Variants in SP9 observed in about 807,000 individuals in gnomAD.
SP9 encodes the protein Sp9 transcription factor, also known as transcription factor Sp9.
SP9 carries 5 observed loss-of-function variants against 23.0 expected under a neutral mutation model. The ratio of observed to expected loss-of-function variants is 0.22; its 90% CI spans 0.11 to 0.46. The LOEUF (loss-of-function observed/expected upper bound fraction) is 0.46. Among genes scored for constraint, SP9 ranks in the 20% least tolerant of loss-of-function variants. The pLI is 0.99. For synonymous variants in SP9, 360 were observed against 356.5 expected (o/e 1.01, Z -0.11); for missense variants, 542 against 724.0 (o/e 0.75, Z 2.88).
chr2:174,337,588 A>G lies in SP9; in HGVS notation c.*48A>G, dbSNP rs1684440973. On this transcript the variant is annotated 3_prime_UTR_variant, in exon 2 of 2. Coordinates refer to ENST00000394967, the MANE Select transcript of SP9 (RefSeq NM_001145250.2). ...ACACAAGCGAGTAGAGACACCGAGA[A>G]CGAACGAGAGGTTCGGAGGGCGAGC... 1.5e-5 allele frequency: 17 copies of G among 1,126,958 alleles called. No individual in the cohort carries two copies. The highest frequency in any genetic ancestry group is 1.7e-5 in the Non-Finnish European group (16 of 920,526). 69.8% of individuals were successfully genotyped at this position (1,126,958 alleles called of 1,614,324 possible). A position where few individuals can be genotyped will look rare whatever the true frequency, so the allele number is the denominator to read the frequency against.
In SP9 at chr2:174,337,767, G is replaced by T. The variant is rs2105510729; in HGVS notation, c.*227G>T. ...CGCCCGGATAAGAATCGAACGCGTG[G>T]TCCGGAAACAAAAGCGAACCATCCT... is the stretch of plus-strand genomic sequence containing the variant. On this transcript the variant is annotated 3_prime_UTR_variant, in exon 2 of 2. Coordinates refer to ENST00000394967, the MANE Select transcript of SP9 (RefSeq NM_001145250.2). The T allele has an allele frequency of 2.9e-6, 1 of 344,498 alleles. No homozygotes were observed. The highest frequency in any genetic ancestry group is 9.7e-5 in the East Asian group (1 of 10,332). 21.3% of individuals were successfully genotyped at this position (344,498 alleles called of 1,614,324 possible). A position where few individuals can be genotyped will look rare whatever the true frequency, so the allele number is the denominator to read the frequency against.
Position 174,336,443 on chromosome 2 carries a change from G to T in SP9, c.358G>T (p.Ala120Ser). The change falls in exon 2 of 2, where the codon GCC becomes TCC. Residue 120 changes from alanine to serine, a missense_variant. Coordinates refer to ENST00000394967, the MANE Select transcript of SP9 (RefSeq NM_001145250.2). Reference sequence around the variant, plus strand: ...CTCGGCGGCTGCCGCGGCGGCAGCGGCCGGGGTGTCCCCGCAGGAGGCGGG... The same window carrying T: ...CTCGGCGGCTGCCGCGGCGGCAGCGTCCGGGGTGTCCCCGCAGGAGGCGGG... ...SNSAAAAAAA[A>S]GVSPQEAGGQ... 2 of 1,473,730 alleles carry T rather than the reference G, an allele frequency of 1.4e-6. No individual in the cohort carries two copies. Among genetic ancestry groups the T allele is most frequent in the South Asian group, 1.3e-5 (1 of 75,624 alleles). The allele number at this position is 1,473,730 out of a possible 1,614,324, so 91.3% of individuals were successfully genotyped here.
Position 174,337,551 on chromosome 2 carries a change from A to T in SP9, c.*11A>T, listed in dbSNP as rs559538196. 39 of 1,153,106 alleles carry T rather than the reference A, an allele frequency of 3.4e-5. No individual in the cohort carries two copies. The highest frequency in any genetic ancestry group is 4.2e-5 in the Non-Finnish European group (39 of 937,606). 71.4% of individuals were successfully genotyped at this position (1,153,106 alleles called of 1,614,324 possible). A position where few individuals can be genotyped will look rare whatever the true frequency, so the allele number is the denominator to read the frequency against. On this transcript the variant is annotated 3_prime_UTR_variant, in exon 2 of 2. Coordinates refer to ENST00000394967, the MANE Select transcript of SP9 (RefSeq NM_001145250.2). ...CCCAACGACTCTTAGAGGCCGGGCG[A>T]GAGGCGCGAGCACACAAGCGAGTAG...
rs769243758 is a variant in SP9 at position 174,336,277 on chromosome 2, G to A, written c.192G>A (p.Ser64=). Residue 64 remains serine, a synonymous_variant, in exon 2 of 2, where the codon TCG becomes TCA. Coordinates refer to ENST00000394967, the MANE Select transcript of SP9 (RefSeq NM_001145250.2). ...GCTGCAACCTCGGCTCCAGCCTCTC[G>A]GGCTTCGCGGTGGCCACCGGGGGCC... ...SSSCNLGSSL[S]GFAVATGGRG... 6.5e-7 allele frequency: 1 copy of A among 1,528,758 alleles called. No individual in the cohort carries two copies. Among genetic ancestry groups the A allele is most frequent in the Non-Finnish European group, 8.8e-7 (1 of 1,138,852 alleles). The allele number at this position is 1,528,758 out of a possible 1,614,324, so 94.7% of individuals were successfully genotyped here.
chr2:174,337,720 A>T lies in SP9; in HGVS notation c.*180A>T, dbSNP rs1389025863. On this transcript the variant is annotated 3_prime_UTR_variant, in exon 2 of 2. Transcript: ENST00000394967. The stretch of plus-strand genomic sequence containing the variant: ...CGGGCTGCGGTTCGCCCGCTGTGCG[A>T]GGAGCTCCCCTCTGCCTTCCGCGCC... 1 of 770,402 alleles carries T rather than the reference A, an allele frequency of 1.3e-6. No homozygotes were observed. The highest frequency in any genetic ancestry group is 5.7e-5 in the Admixed American group (1 of 17,636). 47.7% of individuals were successfully genotyped at this position (770,402 alleles called of 1,614,324 possible). A position where few individuals can be genotyped will look rare whatever the true frequency, so the allele number is the denominator to read the frequency against.
chr2:174,337,546 G>A lies in SP9; in HGVS notation c.*6G>A, dbSNP rs1436955717. ...CTGGCCCCAACGACTCTTAGAGGCC[G>A]GGCGAGAGGCGCGAGCACACAAGCG... On this transcript the variant is annotated 3_prime_UTR_variant, in exon 2 of 2. Transcript: ENST00000394967. 6 of 1,156,344 alleles carry A rather than the reference G, an allele frequency of 5.2e-6. No individual in the cohort carries two copies. Among genetic ancestry groups the A allele is most frequent in the Admixed American group, 4.8e-5 (1 of 21,038 alleles). 71.6% of individuals were successfully genotyped at this position (1,156,344 alleles called of 1,614,324 possible).
In SP9 at chr2:174,337,066, G is replaced by T. The variant is rs1684428324; in HGVS notation, c.981G>T (p.Arg327=). The change falls in exon 2 of 2, where the codon CGG becomes CGT. Residue 327 remains arginine (R), a synonymous_variant. Coordinates refer to ENST00000394967, the MANE Select transcript of SP9 (RefSeq NM_001145250.2). Reference sequence around the variant, plus strand: ...TGGGCCCGGCCGGGGCGAGCCTGCGGCGCAAGGGCCTGCACAGCTGCCACA... The same window carrying T: ...TGGGCCCGGCCGGGGCGAGCCTGCGTCGCAAGGGCCTGCACAGCTGCCACA... ...ERLGPAGASL[R]RKGLHSCHIP... is the part of the protein sequence containing the mutation. The T allele has an allele frequency of 1.9e-6, 3 of 1,560,358 alleles. No homozygotes were observed. In the South Asian group the frequency reaches 3.5e-5, roughly 18 times the overall value.
intron 1 of SP9, 37 bp from the exon 2 acceptor site, chr2:174,336,070 C>T (rs1219701617): frequency 2.6e-6 from 4 of 1,538,924 alleles, no homozygotes; most frequent in Non-Finnish European, 3.5e-6. Flanking sequence ...TCTTGCCCTC[C>T]TCCTTCTTGC....
Position 174,338,398 on chromosome 2 carries a change from C to A in SP9, c.*858C>A, listed in dbSNP as rs975770589. ...TGAGTTATCATTTCACTCACAAACACGTAAGTTAAGGTCATCTAAAGAAAT... is the reference window on the plus strand; with the variant it reads ...TGAGTTATCATTTCACTCACAAACAAGTAAGTTAAGGTCATCTAAAGAAAT... On this transcript the variant is annotated 3_prime_UTR_variant, in exon 2 of 2. Coordinates refer to ENST00000394967, the MANE Select transcript of SP9 (RefSeq NM_001145250.2). 5 of 152,078 alleles carry A rather than the reference C, an allele frequency of 3.3e-5. No homozygotes were observed. Among genetic ancestry groups the A allele is most frequent in the African/African-American group, 4.8e-5 (2 of 41,406 alleles). 9.4% of individuals were successfully genotyped at this position (152,078 alleles called of 1,614,324 possible).
chr2:174,335,070 C>A lies in SP9; in HGVS notation c.-23C>A. 1 of 1,551,160 alleles carries A rather than the reference C, an allele frequency of 6.4e-7. No individual in the cohort carries two copies. The highest frequency in any genetic ancestry group is 8.7e-7 in the Non-Finnish European group (1 of 1,146,564). ...CCAGGCTCAGCCCCGCTCCCAGCCT[C>A]GCTGCGCAGCCAGAGACCTGCTATG... On this transcript the variant is annotated 5_prime_UTR_variant, in exon 1 of 2. Coordinates refer to ENST00000394967, the MANE Select transcript of SP9 (RefSeq NM_001145250.2).
In SP9 at chr2:174,337,389, C is replaced by T; in HGVS notation, c.1304C>T (p.Thr435Met). The T allele has an allele frequency of 1.3e-6, 2 of 1,549,048 alleles. No individual in the cohort carries two copies. Among genetic ancestry groups the T allele is most frequent in the Non-Finnish European group, 1.7e-6 (2 of 1,146,360 alleles). The part of the protein sequence containing the change: ...DSDTDASNLE[T>M]PRSESPDLIL... ...GACACGGACGCCAGCAACCTGGAGACGCCCCGTTCCGAATCCCCCGACCTC... is the reference window on the plus strand; with the variant it reads ...GACACGGACGCCAGCAACCTGGAGATGCCCCGTTCCGAATCCCCCGACCTC... Residue 435 changes from threonine (T) to methionine (M), a missense_variant, in exon 2 of 2, where the codon ACG becomes ATG. Thr to Met is a moderately conservative substitution (Grantham distance 81). This residue lies in a region of SP9 where 35 missense variants were observed against 67.2 expected (regional missense o/e 0.52). Coordinates refer to ENST00000394967, the MANE Select transcript of SP9 (RefSeq NM_001145250.2).
In SP9 at chr2:174,336,785, T is replaced by C. The variant is rs1167437925; in HGVS notation, c.700T>C (p.Ser234Pro). ...CTCGCTCACGCACTCCGCCTTCAGCTCCACGGGCCTCGGCTCCTCCGCCGC... is the reference window on the plus strand; with the variant it reads ...CTCGCTCACGCACTCCGCCTTCAGCCCCACGGGCCTCGGCTCCTCCGCCGC... The part of the protein sequence containing the change: ...FSSLTHSAFS[S>P]TGLGSSAAAA... The change falls in exon 2 of 2, where the codon TCC becomes CCC. Residue 234 changes from serine to proline, a missense_variant. Around this residue, in one of 8 missense-constraint regions of SP9, gnomAD observed 144 missense variants for 158.7 expected, o/e 0.91. Transcript: ENST00000394967. The C allele has an allele frequency of 5.9e-6, 9 of 1,531,198 alleles. No individual in the cohort carries two copies. Among genetic ancestry groups the C allele is most frequent in the Non-Finnish European group, 7.0e-6 (8 of 1,144,794 alleles). 94.9% of individuals were successfully genotyped at this position (1,531,198 alleles called of 1,614,324 possible).
Position 174,337,539 on chromosome 2 carries a change from A to G in SP9, c.1454A>G (p.Ter485TrpextTer12). The G allele has an allele frequency of 1.7e-6, 2 of 1,156,998 alleles. No individual in the cohort carries two copies. Among genetic ancestry groups the G allele is most frequent in the Non-Finnish European group, 2.1e-6 (2 of 938,846 alleles). 71.7% of individuals were successfully genotyped at this position (1,156,998 alleles called of 1,614,324 possible). A position where few individuals can be genotyped will look rare whatever the true frequency, so the allele number is the denominator to read the frequency against. The change falls in exon 2 of 2, where the codon TAG (stop) becomes TGG (tryptophan). Residue 485 changes from the stop codon to tryptophan (W), a stop_lost. Transcript: ENST00000394967. The part of the protein sequence containing the change: ...KEAASGPNDS[*>W] ...GCAGCGTCTGGCCCCAACGACTCTT[A>G]GAGGCCGGGCGAGAGGCGCGAGCAC... is the stretch of plus-strand genomic sequence containing the variant.
Position 174,336,434 on chromosome 2 carries a change from G to C in SP9, c.349G>C (p.Ala117Pro). 6.8e-7 allele frequency: 1 copy of C among 1,467,934 alleles called. No homozygotes were observed. Among genetic ancestry groups the C allele is most frequent in the Non-Finnish European group, 8.9e-7 (1 of 1,119,190 alleles). 90.9% of individuals were successfully genotyped at this position (1,467,934 alleles called of 1,614,324 possible). Residue 117 changes from alanine (A) to proline (P), a missense_variant, in exon 2 of 2, where the codon GCG becomes CCG. By Grantham distance (27) the Ala-to-Pro change is conservative (BLOSUM62 -1). Coordinates refer to ENST00000394967, the MANE Select transcript of SP9 (RefSeq NM_001145250.2). ...GLFSNSAAAA[A>P]AAAGVSPQEA... ...CTTCTCCAACTCGGCGGCTGCCGCGGCGGCAGCGGCCGGGGTGTCCCCGCA... is the reference window on the plus strand; with the variant it reads ...CTTCTCCAACTCGGCGGCTGCCGCGCCGGCAGCGGCCGGGGTGTCCCCGCA...
Position 174,337,437 on chromosome 2 carries a change from G to T in SP9, c.1352G>T (p.Ser451Ile), listed in dbSNP as rs1314948150. Residue 451 changes from serine to isoleucine, a missense_variant, in exon 2 of 2, where the codon AGT becomes ATT. Coordinates refer to ENST00000394967, the MANE Select transcript of SP9 (RefSeq NM_001145250.2). ...PDLILHDSGV[S>I]AARAAAAAAA... ...CTCATCCTGCATGACTCCGGCGTCA[G>T]TGCCGCCCGGGCGGCGGCAGCGGCG... is the stretch of plus-strand genomic sequence containing the variant. The T allele has an allele frequency of 2.2e-6, 3 of 1,337,468 alleles. No individual in the cohort carries two copies. Among genetic ancestry groups the T allele is most frequent in the African/African-American group, 3.0e-5 (2 of 66,224 alleles). 82.9% of individuals were successfully genotyped at this position (1,337,468 alleles called of 1,614,324 possible). A position where few individuals can be genotyped will look rare whatever the true frequency, so the allele number is the denominator to read the frequency against.
At chr2:174,335,995 C>A (rs1684403834) in intron 1 of SP9, 112 bp from the exon 2 acceptor site, 4 of 1,004,672 alleles carry the variant, frequency 4.0e-6, no homozygotes, top group Non-Finnish European at 2.9e-6. Context: ...GAGCCAGGAC[C>A]CCCCGGGAGC....
At position 174,337,057 on chromosome 2, in the gene SP9, G is replaced by A. The variant is rs1421433724; in HGVS notation, c.972G>A (p.Ala324=). Residue 324 remains alanine, a synonymous_variant, in exon 2 of 2, where the codon GCG becomes GCA. Transcript: ENST00000394967. ...QEAERLGPAG[A]SLRRKGLHSC... is the part of the protein sequence containing the mutation. ...CGGAGCGGCTGGGCCCGGCCGGGGC[G>A]AGCCTGCGGCGCAAGGGCCTGCACA... is the stretch of plus-strand genomic sequence containing the variant. 1.0e-5 allele frequency: 16 copies of A among 1,542,322 alleles called. No individual in the cohort carries two copies. Among genetic ancestry groups the A allele is most frequent in the East Asian group, 2.5e-5 (1 of 39,902 alleles).
chr2:174,336,002 G>C, intron 1 of SP9, 105 bp from the exon 2 acceptor site: 1 of 1,104,804 alleles, frequency 9.1e-7, no homozygotes, highest in Non-Finnish European at 1.3e-6. Context: ...GACCCCCCGG[G>C]AGCAGCCGCA....
Position 174,337,491 on chromosome 2 carries a change from C to T in SP9, c.1406C>T (p.Ala469Val), listed in dbSNP as rs1379855319. Residue 469 changes from alanine to valine, a missense_variant, in exon 2 of 2, where the codon GCG becomes GTG. By Grantham distance (64) the Ala-to-Val change is moderately conservative (BLOSUM62 0). Transcript: ENST00000394967. ...AAAAAAAAAA[A>V]ASAGGKEAAS... Reference sequence around the variant, plus strand: ...GCGGCAGCGGCGGCGGCGGCGGCGGCGGCCTCCGCGGGAGGCAAGGAAGCA... The same window carrying T: ...GCGGCAGCGGCGGCGGCGGCGGCGGTGGCCTCCGCGGGAGGCAAGGAAGCA... 4 of 1,198,278 alleles carry T rather than the reference C, an allele frequency of 3.3e-6. No homozygotes were observed. Among genetic ancestry groups the T allele is most frequent in the Non-Finnish European group, 3.1e-6 (3 of 962,188 alleles). 74.2% of individuals were successfully genotyped at this position (1,198,278 alleles called of 1,614,324 possible).
Sources: allele counts gnomAD v4.1 joint callset, GRCh38; gene constraint gnomAD v4.1.1; regional missense constraint gnomAD v4.1.1; transcripts MANE v1.5; gene names NCBI Gene and HGNC (gene_info 2026-07-23, HGNC 2026-07-21).